The following CYP4X1 variants were observed in gnomAD, a reference collection of about 807,000 sequenced individuals.
CYP4X1 encodes the protein cytochrome P450 4X1.
CYP4X1 carries 44 observed loss-of-function variants against 57.9 expected under a neutral mutation model. The observed-to-expected ratio is 0.76, with a 90% CI of 0.60 to 0.98. The LOEUF (loss-of-function observed/expected upper bound fraction) is 0.98. Among genes scored for constraint, CYP4X1 ranks in the 50% least tolerant of loss-of-function variants. The pLI is 0.00. For missense variants in CYP4X1, 532 were observed against 623.9 expected (o/e 0.85, Z 1.57); for synonymous variants, 227 against 228.6 (o/e 0.99, Z 0.06).
At chr1:46,977,206 AC>A in the CYP4X1 span, among the ~76,000 whole-genome samples, 1 of 152,148 alleles carries the variant, frequency 6.6e-6, no homozygotes, top group Non-Finnish European at 1.5e-5. Flanking sequence ...CAAACCCATC[AC>A]AAGGAAGCAA....
chr1:47,036,297 C>T, intron 6 of CYP4X1, 126 bp downstream of exon 6: 1 of 1,173,882 alleles, frequency 8.5e-7, no homozygotes, highest in South Asian at 3.0e-5. Context: ...TTTATATAGA[C>T]ACTGCTCCAA....
chr1:46,989,992 A>G, the CYP4X1 span, among the ~76,000 whole-genome samples: 2 of 152,246 alleles, frequency 1.3e-5, no homozygotes, highest in Non-Finnish European at 2.9e-5. Context: ...GGCATGGGCA[A>G]AGGCCTCATG....
the CYP4X1 span, among the ~76,000 whole-genome samples, chr1:46,965,894 C>A: frequency 6.6e-6 from 1 of 152,170 alleles, no homozygotes. Context: ...TCCATAGAAC[C>A]CTGGCTGGAG....
At chr1:46,975,133 T>A in the CYP4X1 span, among the ~76,000 whole-genome samples, 5 of 152,160 alleles carry the variant, frequency 3.3e-5, no homozygotes, top group Non-Finnish European at 7.4e-5. Flanking sequence ...GTCATCCTCT[T>A]ATGCTCTCAC....
the CYP4X1 span, among the ~76,000 whole-genome samples, chr1:47,007,784 C>A: frequency 6.6e-6 from 1 of 152,138 alleles, no homozygotes; most frequent in Non-Finnish European, 1.5e-5. Flanking sequence ...GATGAATGCA[C>A]AAGCCTCAGT....
chr1:46,961,767 A>G, the CYP4X1 span: 1 of 1,309,628 alleles, frequency 7.6e-7, no homozygotes, highest in Admixed American at 2.2e-5. Context: ...GTGAGTAAGC[A>G]CCTGCCTTTC....
At chr1:46,982,229 T>C in the CYP4X1 span, among the ~76,000 whole-genome samples, 1 of 152,232 alleles carries the variant, frequency 6.6e-6, no homozygotes, top group East Asian at 1.9e-4. Flanking sequence ...AATGCCTATT[T>C]TATCTTTCAT....
Position 47,046,729 on chromosome 1 carries a change from T to TA in CYP4X1, c.1207+130dup. 3 of 1,379,360 alleles carry TA rather than the reference T, an allele frequency of 2.2e-6. No individual in the cohort carries two copies. The South Asian group carries it at 4.2e-5, about 19-fold the overall frequency. The allele number at this position is 1,379,360 out of a possible 1,614,324, so 85.4% of individuals were successfully genotyped here. ...TAATGCTAACATGTGACTTAGGTTT[T>TA]ATCACCTATGAGGAGCTCAGAGGAT... On this transcript the variant is annotated intron_variant, in intron 9 of 11. Coordinates refer to ENST00000371901, the MANE Select transcript of CYP4X1 (RefSeq NM_178033.2).
chr1:46,993,013 T>C, the CYP4X1 span, among the ~76,000 whole-genome samples: 1 of 152,106 alleles, frequency 6.6e-6, no homozygotes, highest in South Asian at 2.1e-4. Context: ...ACATGTGCCA[T>C]GTTGGTGTGC....
At chr1:46,982,067 A>G in the CYP4X1 span, among the ~76,000 whole-genome samples, 1 of 152,218 alleles carries the variant, frequency 6.6e-6, no homozygotes, top group Non-Finnish European at 1.5e-5. Flanking sequence ...TCAACATGGC[A>G]CATGTATACA....
At chr1:46,961,667 G>C in the CYP4X1 span, 1 of 1,290,966 alleles carries the variant, frequency 7.7e-7, no homozygotes, top group Non-Finnish European at 1.0e-6. Context: ...CCTCCTCTGG[G>C]AACCCCCTAG....
the CYP4X1 span, among the ~76,000 whole-genome samples, chr1:47,002,223 A>C: frequency 6.6e-6 from 1 of 152,240 alleles, no homozygotes; most frequent in Non-Finnish European, 1.5e-5. Context: ...AGTACCTGTT[A>C]TCTCTCTTTT....
the CYP4X1 span, among the ~76,000 whole-genome samples, chr1:46,993,855 A>G: frequency 6.6e-6 from 1 of 152,040 alleles, no homozygotes. Context: ...AGTAGATTGC[A>G]AAAATTTTCT....
the CYP4X1 span, among the ~76,000 whole-genome samples, chr1:46,990,279 G>T: frequency 6.6e-6 from 1 of 152,188 alleles, no homozygotes; most frequent in African/African-American, 2.4e-5. Flanking sequence ...CATTTATGCA[G>T]CCAACAAACA....
At chr1:47,021,570 C>T (rs1238798354), upstream of CYP4X1, among the ~76,000 whole-genome samples, 1 of 152,094 alleles carries the variant, frequency 6.6e-6, no homozygotes, top group African/African-American at 2.4e-5. Context: ...TTTGGAGAAA[C>T]CAGAGTGAAA....
intron 1 of CYP4X1, among the ~76,000 whole-genome samples, chr1:47,026,687 G>A (rs528905799): frequency 2.6e-5 from 4 of 152,056 alleles, no homozygotes; most frequent in East Asian, 1.9e-4. Context: ...AAGCCTTTCC[G>A]TTTAGTTAGG....
At chr1:47,044,906 C>G (rs1467422560) in intron 8 of CYP4X1, among the ~76,000 whole-genome samples, 1 of 151,810 alleles carries the variant, frequency 6.6e-6, no homozygotes, top group Non-Finnish European at 1.5e-5. Flanking sequence ...CTTACCGCAA[C>G]CTCTGCCTCC....
the CYP4X1 span, among the ~76,000 whole-genome samples, chr1:47,012,780 A>T: frequency 6.6e-6 from 1 of 152,192 alleles, no homozygotes; most frequent in African/African-American, 2.4e-5. Context: ...GAAAGATAAA[A>T]GATATGTAAA....
the CYP4X1 span, among the ~76,000 whole-genome samples, chr1:47,013,789 G>A: frequency 2.0e-3 from 265 of 132,410 alleles, 2 homozygotes; most frequent in African/African-American, 7.3e-3. Context: ...TTGAGATGGA[G>A]TCTTGCTCTG....
Sources: allele counts gnomAD v4.1 joint callset (sites outside exome capture counted in the v4.1 genomes callset), GRCh38; gene constraint gnomAD v4.1.1; transcripts MANE v1.5; gene names NCBI Gene and HGNC (gene_info 2026-07-23, HGNC 2026-07-21).